Variants in ITGA2 observed in about 807,000 individuals in gnomAD.
ITGA2 encodes integrin subunit alpha 2.
A neutral mutation model predicts 146.3 loss-of-function variants in ITGA2; 101 were observed. The observed-to-expected ratio is 0.69, with a 90% CI of 0.59 to 0.81. The LOEUF (loss-of-function observed/expected upper bound fraction) is 0.81, where lower values mean the gene tolerates loss of function less well. Ranked by LOEUF, ITGA2 falls within the 40% of genes least tolerant of loss-of-function variation. The pLI is 0.00. For synonymous variants in ITGA2, 477 were observed against 487.1 expected, an observed-to-expected ratio of 0.98 and a Z score of 0.27; for missense variants, 1,281 against 1,402.7, an observed-to-expected ratio of 0.91 and a Z score of 1.39.
chr5:53,014,851 C>G (rs1222968838), intron 1 of ITGA2, among the ~76,000 whole-genome samples: 1 of 152,012 alleles, frequency 6.6e-6, no homozygotes, highest in African/African-American at 2.4e-5. Context: ...AGGAATTTAT[C>G]TATTTCTTCT....
intron 1 of ITGA2, among the ~76,000 whole-genome samples, chr5:53,000,523 A>G (rs1487311540): frequency 6.6e-6 from 1 of 152,088 alleles, no homozygotes; most frequent in East Asian, 1.9e-4. Flanking sequence ...TTGTCCCTCC[A>G]TATGTCTGCC....
Position 53,060,945 on chromosome 5 carries a change from G to T in ITGA2, c.1357G>T (p.Val453Phe), listed in dbSNP as rs1332103424. 1.9e-6 allele frequency: 3 copies of T among 1,612,364 alleles called. No homozygotes were observed. The highest frequency in any genetic ancestry group is 2.5e-6 in the Non-Finnish European group (3 of 1,178,968). ...AISTGESTHF[V>F]AGAPRANYTG... ...TTCTACTGGAGAAAGCACTCACTTT[G>T]TTGCTGGTGCTCCTCGGGCAAATTA... Residue 453 changes from valine (V) to phenylalanine (F), a missense_variant, in exon 12 of 30, where the codon GTT (valine) becomes TTT (phenylalanine). Coordinates refer to ENST00000296585, the MANE Select transcript of ITGA2 (RefSeq NM_002203.4).
intron 1 of ITGA2, among the ~76,000 whole-genome samples, chr5:53,024,499 G>A (rs1347265582): frequency 2.0e-5 from 3 of 152,216 alleles, no homozygotes; most frequent in South Asian, 2.1e-4. Flanking sequence ...AAAGAAACAA[G>A]GTTTGACTTC....
At chr5:53,050,130 G>C (rs1212270937) in intron 6 of ITGA2, among the ~76,000 whole-genome samples, 1 of 152,052 alleles carries the variant, frequency 6.6e-6, no homozygotes, top group Non-Finnish European at 1.5e-5. Context: ...TATTTCCTCT[G>C]TTTCTAAATG....
At chr5:52,994,118 A>C (rs900008403) in intron 1 of ITGA2, among the ~76,000 whole-genome samples, 2 of 152,198 alleles carry the variant, frequency 1.3e-5, no homozygotes, top group Non-Finnish European at 2.9e-5. Context: ...ATCTGGCTAC[A>C]GTGAATTTCA....
chr5:53,082,646 C>A (rs1414866763), intron 26 of ITGA2, among the ~76,000 whole-genome samples: 1 of 152,128 alleles, frequency 6.6e-6, no homozygotes, highest in Admixed American at 6.6e-5. Flanking sequence ...GTATATTTGC[C>A]ACAATCGATG....
intron 2 of ITGA2, among the ~76,000 whole-genome samples, chr5:53,029,140 CG>C (rs1561102844): frequency 6.6e-6 from 1 of 152,090 alleles, no homozygotes; most frequent in Non-Finnish European, 1.5e-5. Context: ...GGTGTGGTGG[CG>C]GGCGCCTGTA....
In ITGA2 at chr5:53,081,638, G is replaced by A. The variant is rs139705254; in HGVS notation, c.3086G>A (p.Gly1029Glu). 3.7e-6 allele frequency: 6 copies of A among 1,613,144 alleles called. No individual in the cohort carries two copies. Among genetic ancestry groups the A allele is most frequent in the Non-Finnish European group, 5.1e-6 (6 of 1,179,678 alleles). The part of the protein sequence containing the change: ...CNADINPLKI[G>E]QTSSSVSFKS... ...GCAGATATCAATCCACTGAAAATAG[G>A]ACAAACATCTTCTTCTGTATCTTTC... The change falls in exon 26 of 30, where the codon GGA becomes GAA. Residue 1029 changes from glycine to glutamate, a missense_variant. By Grantham distance (98) the Gly-to-Glu change is moderately conservative. Transcript: ENST00000296585.
chr5:53,036,921 C>T (rs1464427110), intron 2 of ITGA2, among the ~76,000 whole-genome samples: 2 of 152,020 alleles, frequency 1.3e-5, no homozygotes, highest in African/African-American at 4.8e-5. Flanking sequence ...ATTTCAGTCC[C>T]CAAGAGCCCA....
intron 1 of ITGA2, among the ~76,000 whole-genome samples, chr5:52,994,249 G>GA (rs1017921491): frequency 4.6e-5 from 7 of 152,166 alleles, no homozygotes; most frequent in Admixed American, 3.3e-4. Context: ...AGTTTATTTG[G>GA]AAAAAAATCC....
In ITGA2 at chr5:53,058,057, G is replaced by A. The variant is rs764797051; in HGVS notation, c.1129G>A (p.Glu377Lys). 2.5e-6 allele frequency: 4 copies of A among 1,611,634 alleles called. No homozygotes were observed. In the African/African-American group the frequency reaches 5.4e-5, roughly 22 times the overall value. ...TVQGGDNFQM[E>K]MSQVGFSADY... ...TCAAGGAGGAGACAACTTTCAGATG[G>A]AAATGTCACAAGTGGGATTCAGTGC... The change falls in exon 10 of 30, where the codon GAA (glutamate) becomes AAA (lysine). Residue 377 changes from glutamate to lysine, a missense_variant. Physicochemically the swap from Glu to Lys is moderately conservative, Grantham distance 56. Transcript: ENST00000296585.
At chr5:53,002,074 A>C (rs1401446499) in intron 1 of ITGA2, among the ~76,000 whole-genome samples, 2 of 152,078 alleles carry the variant, frequency 1.3e-5, no homozygotes, top group Non-Finnish European at 2.9e-5. Flanking sequence ...TAATTTTCCA[A>C]ATTCTCCTCA....
At position 53,080,616 on chromosome 5, in the gene ITGA2, G is replaced by C. The variant is rs199575892; in HGVS notation, c.3034G>C (p.Asp1012His). 1 of 1,610,236 alleles carries C rather than the reference G, an allele frequency of 6.2e-7. No individual in the cohort carries two copies. The highest frequency in any genetic ancestry group is 1.1e-5 in the South Asian group (1 of 91,028). The change falls in exon 25 of 30, where the codon GAC becomes CAC. Residue 1012 changes from aspartate (D) to histidine (H), a missense_variant. Transcript: ENST00000296585. The stretch of plus-strand genomic sequence containing the variant: ...GATGTACCTAACTGGGGTGCAAACA[G>C]ACAAGGTAAAGATTAAAAAATTGCC... Reference protein sequence around the residue: ...PLMYLTGVQTDKAGDISCNAD... With the variant: ...PLMYLTGVQTHKAGDISCNAD...
At chr5:53,037,823 A>G (rs1392961204) in intron 2 of ITGA2, among the ~76,000 whole-genome samples, 3 of 152,218 alleles carry the variant, frequency 2.0e-5, no homozygotes, top group African/African-American at 7.2e-5. Context: ...AGAGTTACCA[A>G]AGTGGTCTGG....
At chr5:53,056,262 A>G (rs1744630504) in intron 9 of ITGA2, 113 bp downstream of exon 9, 1 of 844,162 alleles carries the variant, frequency 1.2e-6, no homozygotes, top group Non-Finnish European at 1.9e-6. Flanking sequence ...AAAAAGAGCT[A>G]CTACAATCAG....
In ITGA2 at chr5:53,094,580, G is replaced by T. The variant is rs989964270; in HGVS notation, c.*3981G>T. The T allele has an allele frequency of 6.6e-6, 1 of 151,984 alleles. No individual in the cohort carries two copies. The highest frequency in any genetic ancestry group is 1.5e-5 in the Non-Finnish European group (1 of 67,984). 9.4% of individuals were successfully genotyped at this position (151,984 alleles called of 1,614,324 possible). ...AAACTGTAAAAATAAATGCATGTTT[G>T]TACAAAAAGTTGCAGAATTCATTTG... is the stretch of plus-strand genomic sequence containing the variant. On this transcript the variant is annotated 3_prime_UTR_variant, in exon 30 of 30. Coordinates refer to ENST00000296585, the MANE Select transcript of ITGA2 (RefSeq NM_002203.4).
chr5:53,055,478 G>A, intron 7 of ITGA2, 60 bp from the exon 8 acceptor site: 5 of 1,489,754 alleles, frequency 3.4e-6, no homozygotes, highest in Non-Finnish European at 4.7e-6. Flanking sequence ...TTAAACCAGA[G>A]GTTCTCATAT....
chr5:53,011,926 A>C (rs1742152793), intron 1 of ITGA2, among the ~76,000 whole-genome samples: 1 of 152,218 alleles, frequency 6.6e-6, no homozygotes, highest in Non-Finnish European at 1.5e-5. Flanking sequence ...TTAAAATGTA[A>C]GTAATGAGTG....
At chr5:52,999,116 A>T (rs1210448149) in intron 1 of ITGA2, among the ~76,000 whole-genome samples, 1 of 151,914 alleles carries the variant, frequency 6.6e-6, no homozygotes, top group African/African-American at 2.4e-5. Flanking sequence ...TTTTCCCCAA[A>T]CCCTTTTCTG....
Sources: gnomAD v4.1 joint callset for allele counts (sites outside exome capture counted in the v4.1 genomes callset) on GRCh38, gnomAD v4.1.1 for gene constraint, MANE v1.5 for transcripts, NCBI Gene and HGNC (gene_info 2026-07-23, HGNC 2026-07-21) for gene names.